Variants in TMEM132C observed in about 807,000 individuals in gnomAD.
The protein encoded by TMEM132C is protein phosphatase 1, regulatory subunit 152.
Under a neutral mutation model 61.4 loss-of-function variants are expected in TMEM132C, and 29 were observed. That is an observed-to-expected ratio of 0.47 (90% CI 0.35 to 0.64). TMEM132C has a LOEUF of 0.64. TMEM132C is among the 30% of genes least tolerant of loss of function. TMEM132C has a pLI of 0.00. For synonymous variants in TMEM132C, 656 were observed against 633.1 expected, an observed-to-expected ratio of 1.04 and a Z score of -0.54; for missense variants, 1,408 against 1,476.9, an observed-to-expected ratio of 0.95 and a Z score of 0.76.
At chr12:128,555,647 T>C (rs925442141) in intron 3 of TMEM132C, among the ~76,000 whole-genome samples, 1 of 152,124 alleles carries the variant, frequency 6.6e-6, no homozygotes, top group Non-Finnish European at 1.5e-5. Flanking sequence ...CTGGACTCCA[T>C]AGGGGTTTGT....
chr12:128,504,634 C>T lies in TMEM132C; in HGVS notation c.975-39323C>T, dbSNP rs553977239. Among the ~76,000 whole-genome samples, 6 of 152,116 alleles carry T rather than the reference C, an allele frequency of 3.9e-5. No homozygotes were observed. The South Asian group carries it at 1.2e-3, about 32-fold the overall frequency. Reference sequence around the variant, plus strand: ...TCTGTGTCTTCACATGGCCTTTTCTCCATGTGAGAGTGAAAAGAGAGAGGT... The same window carrying T: ...TCTGTGTCTTCACATGGCCTTTTCTTCATGTGAGAGTGAAAAGAGAGAGGT... On this transcript the variant is annotated intron_variant, in intron 2 of 8. Transcript: ENST00000435159.
At chr12:128,357,642 C>G (rs1873553063) in intron 1 of TMEM132C, among the ~76,000 whole-genome samples, 1 of 150,614 alleles carries the variant, frequency 6.6e-6, no homozygotes, top group Non-Finnish European at 1.5e-5. Flanking sequence ...TTGCAGTGAG[C>G]CGAGATCATG....
At chr12:128,472,183 A>C (rs1870973953) in intron 2 of TMEM132C, among the ~76,000 whole-genome samples, 1 of 152,158 alleles carries the variant, frequency 6.6e-6, no homozygotes, top group Non-Finnish European at 1.5e-5. Flanking sequence ...CTTCTGGGCT[A>C]CATAATAACT....
intron 2 of TMEM132C, among the ~76,000 whole-genome samples, chr12:128,471,063 T>C (rs1229500460): frequency 1.3e-5 from 2 of 152,202 alleles, no homozygotes; most frequent in Non-Finnish European, 2.9e-5. Flanking sequence ...TGTGGTGAGG[T>C]GCTCTCCTGT....
rs139487584 is a variant in TMEM132C at position 128,581,586 on chromosome 12, C to T, written c.1122-34566C>T. On this transcript the variant is annotated intron_variant, in intron 3 of 8. Transcript: ENST00000435159. The stretch of plus-strand genomic sequence containing the variant: ...TTTCCAGTCTTTAAAATGCAAAGTT[C>T]GCCATGATAATGACCAACCAGGATA... Among the ~76,000 whole-genome samples, 73 of 152,292 alleles carry T rather than the reference C, an allele frequency of 4.8e-4. No homozygotes were observed. In the East Asian group the frequency reaches 0.011, roughly 24 times the overall value.
intron 2 of TMEM132C, among the ~76,000 whole-genome samples, chr12:128,478,588 T>C (rs1871226911): frequency 6.6e-6 from 1 of 152,204 alleles, no homozygotes; most frequent in Non-Finnish European, 1.5e-5. Flanking sequence ...ATTGAACTGG[T>C]AAAGTACTTA....
At chr12:128,294,191 T>TGATAGGG (rs2135911717) in intron 1 of TMEM132C, 1 of 154,752 alleles carries the variant, frequency 6.5e-6, no homozygotes, top group Admixed American at 6.5e-5. Flanking sequence ...CATCTTCCTC[T>TGATAGGG]GTGAACCGCC....
chr12:128,678,788 AT>A (rs753642603), intron 5 of TMEM132C, among the ~76,000 whole-genome samples: 63 of 152,184 alleles, frequency 4.1e-4, no homozygotes, highest in Non-Finnish European at 6.5e-4. Context: ...ACAACAAAGA[AT>A]TATCTGACCC....
chr12:128,276,161 G>A (rs189886645), intron 1 of TMEM132C, among the ~76,000 whole-genome samples: 5 of 152,070 alleles, frequency 3.3e-5, no homozygotes, highest in Non-Finnish European at 7.4e-5. Context: ...GTGGACATTC[G>A]CTTTTGAGGC....
intron 1 of TMEM132C, among the ~76,000 whole-genome samples, chr12:128,359,154 G>A (rs1460575810): frequency 1.3e-5 from 2 of 152,212 alleles, no homozygotes; most frequent in African/African-American, 2.4e-5. Flanking sequence ...CTTTGTCATT[G>A]TACCTGCTTT....
intron 1 of TMEM132C, among the ~76,000 whole-genome samples, chr12:128,301,793 AGCTG>A (rs1165674640): frequency 1.1e-4 from 16 of 152,320 alleles, no homozygotes; most frequent in Admixed American, 3.9e-4. Context: ...ATAAAGACAT[AGCTG>A]AGACTGGGTA....
At chr12:128,386,513 G>A (rs1324317495) in intron 1 of TMEM132C, among the ~76,000 whole-genome samples, 1 of 152,152 alleles carries the variant, frequency 6.6e-6, no homozygotes, top group Admixed American at 6.5e-5. Context: ...TCATGGTTGT[G>A]GAGAATTAAC....
chr12:128,323,917 A>C (rs1475322226), intron 1 of TMEM132C, among the ~76,000 whole-genome samples: 1 of 152,176 alleles, frequency 6.6e-6, no homozygotes, highest in Non-Finnish European at 1.5e-5. Flanking sequence ...AGGAGGGGAA[A>C]GAGAGGGAGG....
chr12:128,359,011 G>A (rs947600390), intron 1 of TMEM132C, among the ~76,000 whole-genome samples: 1 of 152,132 alleles, frequency 6.6e-6, no homozygotes, highest in Non-Finnish European at 1.5e-5. Flanking sequence ...CACATCCAGT[G>A]CTCCCAGCAG....
chr12:128,383,379 A>G (rs1874476706), intron 1 of TMEM132C, among the ~76,000 whole-genome samples: 1 of 152,176 alleles, frequency 6.6e-6, no homozygotes, highest in South Asian at 2.1e-4. Context: ...AGTGAAATCA[A>G]CTTCACGTGG....
chr12:128,625,788 C>T (rs1954009715), intron 4 of TMEM132C, among the ~76,000 whole-genome samples: 1 of 152,174 alleles, frequency 6.6e-6, no homozygotes, highest in South Asian at 2.1e-4. Context: ...ACACTGATCC[C>T]ATTCATAAGG....
At chr12:128,667,089 A>C (rs530471809) in intron 4 of TMEM132C, among the ~76,000 whole-genome samples, 35 of 152,270 alleles carry the variant, frequency 2.3e-4, no homozygotes, top group Non-Finnish European at 3.7e-4. Flanking sequence ...ATAGATACAG[A>C]TATAGATAGA....
At chr12:128,418,064 G>A (rs755869191) in intron 2 of TMEM132C, among the ~76,000 whole-genome samples, 4 of 152,182 alleles carry the variant, frequency 2.6e-5, no homozygotes, top group Non-Finnish European at 5.9e-5. Flanking sequence ...CCTGGGGAGA[G>A]AAGATCCACC....
intron 7 of TMEM132C, 126 bp downstream of exon 7, chr12:128,696,229 G>T: frequency 7.6e-7 from 1 of 1,315,750 alleles, no homozygotes. Context: ...AACACAGGAA[G>T]ATGAGCCCAG....
Sources: gnomAD v4.1 joint callset for allele counts (sites outside exome capture counted in the v4.1 genomes callset) on GRCh38, gnomAD v4.1.1 for gene constraint, MANE v1.5 for transcripts, NCBI Gene and HGNC (gene_info 2026-07-23, HGNC 2026-07-21) for gene names.